CHD7: variants seen among roughly 807,000 people sequenced by gnomAD.
CHD7 encodes ATP-dependent chromatin remodeler CHD7.
CHD7 carries 24 observed loss-of-function variants against 307.3 expected under a neutral mutation model. The ratio of observed to expected loss-of-function variants is 0.08; its 90% CI spans 0.06 to 0.11. The LOEUF (loss-of-function observed/expected upper bound fraction) is 0.11. CHD7 is among the 10% of genes least tolerant of loss of function. The pLI is 1.00. For missense variants in CHD7, 3,106 were observed against 3,727.1 expected, an observed-to-expected ratio of 0.83 and a Z score of 4.34; for synonymous variants, 1,363 against 1,349.9, an observed-to-expected ratio of 1.01 and a Z score of -0.21.
chr8:60,752,554 T>C (rs1038947963), intron 2 of CHD7, among the ~76,000 whole-genome samples: 5 of 152,240 alleles, frequency 3.3e-5, no homozygotes, highest in African/African-American at 1.2e-4. Context: ...TCATTCTTTT[T>C]CTGAAAACTT....
At chr8:60,852,419 G>A in intron 29 of CHD7, 79 bp from the exon 30 acceptor site, 1 of 1,410,782 alleles carries the variant, frequency 7.1e-7, no homozygotes, top group African/African-American at 1.4e-5. Flanking sequence ...TATAAAGTCT[G>A]GGGGGAAGAA....
intron 6 of CHD7, among the ~76,000 whole-genome samples, chr8:60,806,976 G>GT (rs1812566246): frequency 6.6e-6 from 1 of 152,112 alleles, no homozygotes; most frequent in Non-Finnish European, 1.5e-5. Context: ...AGTGAGCCAT[G>GT]TTTGCACCAC....
At position 60,848,552 on chromosome 8, in the gene CHD7, C is replaced by G. The variant is rs1805311919; in HGVS notation, c.5248C>G (p.Gln1750Glu). 3 of 1,613,600 alleles carry G rather than the reference C, an allele frequency of 1.9e-6. No homozygotes were observed. The highest frequency in any genetic ancestry group is 1.1e-5 in the South Asian group (1 of 90,982). The change falls in exon 24 of 38, where the codon CAA (glutamine) becomes GAA (glutamate). Residue 1750 changes from glutamine (Q) to glutamate (E), a missense_variant. Coordinates refer to ENST00000423902, the MANE Select transcript of CHD7 (RefSeq NM_017780.4). ...LRVRMLYYLR[Q>E]EVIGDQADKI... ...TGTCCGCATGCTGTACTACCTAAGA[C>G]AAGAAGTGATAGGAGACCAGGCGGA...
intron 23 of CHD7, among the ~76,000 whole-genome samples, chr8:60,847,232 G>C (rs1363074324): frequency 6.6e-6 from 1 of 152,194 alleles, no homozygotes; most frequent in Admixed American, 6.5e-5. Flanking sequence ...AGCATCTGTT[G>C]ATGTGTGATT....
chr8:60,710,518 C>T (rs1807236958), intron 1 of CHD7, among the ~76,000 whole-genome samples: 1 of 152,196 alleles, frequency 6.6e-6, no homozygotes, highest in Non-Finnish European at 1.5e-5. Context: ...GATTCAAAAA[C>T]TCAGTGTCTT....
At chr8:60,762,748 C>T (rs139184325) in intron 2 of CHD7, among the ~76,000 whole-genome samples, 2 of 152,160 alleles carry the variant, frequency 1.3e-5, no homozygotes, top group Non-Finnish European at 2.9e-5. Context: ...GGGTTCCTGT[C>T]CCTCATTTTC....
At chr8:60,836,333 C>CA (rs767403138) in intron 16 of CHD7, 50 bp downstream of exon 16, 22 of 1,498,138 alleles carry the variant, frequency 1.5e-5, no homozygotes, top group Non-Finnish European at 2.0e-5. Flanking sequence ...AAATTACCTT[C>CA]CCAGGGGTCC....
chr8:60,713,322 A>G (rs553287543), intron 1 of CHD7, among the ~76,000 whole-genome samples: 46 of 152,060 alleles, frequency 3.0e-4, no homozygotes, highest in Middle Eastern at 6.8e-3. Flanking sequence ...CATATTGGCC[A>G]GGCTGTTCTC....
intron 2 of CHD7, among the ~76,000 whole-genome samples, chr8:60,776,517 CCT>C (rs1327009219): frequency 2.6e-5 from 4 of 152,254 alleles, no homozygotes; most frequent in Non-Finnish European, 4.4e-5. Context: ...TCTGCCTCCC[CCT>C]CTCTCTCAGC....
At chr8:60,835,183 C>G (rs1804683729) in intron 15 of CHD7, among the ~76,000 whole-genome samples, 2 of 152,306 alleles carry the variant, frequency 1.3e-5, no homozygotes, top group East Asian at 3.9e-4. Flanking sequence ...GTTAAGCCAC[C>G]TAAGCAGTTG....
chr8:60,714,301 G>C (rs1417359330), intron 1 of CHD7, among the ~76,000 whole-genome samples: 1 of 151,514 alleles, frequency 6.6e-6, no homozygotes, highest in Non-Finnish European at 1.5e-5. Flanking sequence ...CGGGGCGCTC[G>C]CTTCACCTCA....
At chr8:60,815,603 C>T (rs1333931294) in intron 7 of CHD7, among the ~76,000 whole-genome samples, 1 of 152,004 alleles carries the variant, frequency 6.6e-6, no homozygotes, top group East Asian at 1.9e-4. Flanking sequence ...GGGAAGACAC[C>T]ATGCATACTC....
intron 2 of CHD7, among the ~76,000 whole-genome samples, chr8:60,765,720 G>A (rs913244630): frequency 2.0e-5 from 3 of 152,214 alleles, no homozygotes; most frequent in African/African-American, 4.8e-5. Flanking sequence ...GGGCAGCCCC[G>A]CACCAGTGGT....
At chr8:60,770,492 A>G (rs1285456312) in intron 2 of CHD7, among the ~76,000 whole-genome samples, 1 of 152,102 alleles carries the variant, frequency 6.6e-6, no homozygotes, top group Non-Finnish European at 1.5e-5. Flanking sequence ...CTTCTGTTTC[A>G]TGTGTAGTTC....
intron 2 of CHD7, among the ~76,000 whole-genome samples, chr8:60,762,381 A>G (rs147481896): frequency 5.3e-5 from 8 of 152,138 alleles, no homozygotes; most frequent in African/African-American, 1.7e-4. Context: ...TGTTACGATT[A>G]TTGCTCCTCT....
chr8:60,780,714 A>C lies in CHD7; in HGVS notation c.1666-286A>C, dbSNP rs201180767. On this transcript the variant is annotated intron_variant, in intron 2 of 37. Transcript: ENST00000423902. ...CCATTTTCATGTAGGCTGTTTAAAA[A>C]ACAGACAGTGTCTTCAGTTGAGTGA... Among the ~76,000 whole-genome samples, 3 of 152,310 alleles carry C rather than the reference A, an allele frequency of 2.0e-5. No homozygotes were observed. In the East Asian group the frequency reaches 5.8e-4, roughly 29 times the overall value.
At chr8:60,844,839 T>C (rs1805134368) in intron 21 of CHD7, 25 bp from the exon 22 acceptor site, 1 of 1,558,230 alleles carries the variant, frequency 6.4e-7, no homozygotes, top group African/African-American at 1.4e-5. Context: ...CAGGCACCTC[T>C]GCATGCTGGA....
In CHD7 at chr8:60,844,889, T is replaced by G. The variant is rs1236280251; in HGVS notation, c.4876T>G (p.Ser1626Ala). The change falls in exon 22 of 38, where the codon TCC becomes GCC. Residue 1626 changes from serine (S) to alanine (A), a missense_variant. Coordinates refer to ENST00000423902, the MANE Select transcript of CHD7 (RefSeq NM_017780.4). ...TTGGGGACGGTGGACAGACATTCTT[T>G]CCCACGGACGCTATAAACGCCAACT... ...YGWGRWTDILSHGRYKRQLTE... is the reference protein window; with the variant it reads ...YGWGRWTDILAHGRYKRQLTE... 1 of 1,605,824 alleles carries G rather than the reference T, an allele frequency of 6.2e-7. No individual in the cohort carries two copies. Among genetic ancestry groups the G allele is most frequent in the Non-Finnish European group, 8.5e-7 (1 of 1,174,136 alleles).
intron 1 of CHD7, among the ~76,000 whole-genome samples, chr8:60,719,880 A>G: frequency 6.6e-6 from 1 of 152,248 alleles, no homozygotes; most frequent in East Asian, 1.9e-4. Context: ...GACAAAGGCA[A>G]AAAAATCATA....
Sources: gnomAD v4.1 joint callset for allele counts (sites outside exome capture counted in the v4.1 genomes callset) on GRCh38, gnomAD v4.1.1 for gene constraint, MANE v1.5 for transcripts, NCBI Gene and HGNC (gene_info 2026-07-23, HGNC 2026-07-21) for gene names.